PTPN13: variants seen among roughly 807,000 people sequenced by gnomAD.
The protein encoded by PTPN13 is tyrosine-protein phosphatase non-receptor type 13.
In PTPN13, 191 loss-of-function variants were observed where a neutral mutation model predicts 284.0. That is an observed-to-expected ratio of 0.67 (90% CI 0.60 to 0.76). PTPN13 has a LOEUF of 0.76. Among genes scored for constraint, PTPN13 ranks in the 30% least tolerant of loss-of-function variants. The pLI, the probability that PTPN13 is intolerant of heterozygous loss-of-function variation, is 0.00. For synonymous variants in PTPN13, 986 were observed against 1,022.3 expected, an observed-to-expected ratio of 0.96 and a Z score of 0.68; for missense variants, 2,797 against 2,939.9, an observed-to-expected ratio of 0.95 and a Z score of 1.12.
At position 86,775,540 on chromosome 4, in the gene PTPN13, C is replaced by T; in HGVS notation, c.5779C>T (p.Leu1927=). ...SVAAIEGNLQ[L]LDVIHYVNGV... is the part of the protein sequence containing the mutation. ...CGCAGCCATTGAGGGTAATCTCCAGCTATTAGATGTCATCCATTATGTGAA... is the reference window on the plus strand; with the variant it reads ...CGCAGCCATTGAGGGTAATCTCCAGTTATTAGATGTCATCCATTATGTGAA... The change falls in exon 35 of 48, where the codon CTA becomes TTA. Residue 1927 remains leucine (L), a synonymous_variant. Coordinates refer to ENST00000411767, the MANE Select transcript of PTPN13 (RefSeq NM_080683.3). 1 of 1,613,320 alleles carries T rather than the reference C, an allele frequency of 6.2e-7. No individual in the cohort carries two copies. Among genetic ancestry groups the T allele is most frequent in the East Asian group, 2.2e-5 (1 of 44,856 alleles).
chr4:86,713,027 T>A (rs1038560483), intron 7 of PTPN13, among the ~76,000 whole-genome samples: 1 of 152,122 alleles, frequency 6.6e-6, no homozygotes, highest in Non-Finnish European at 1.5e-5. Context: ...CAAAAATAGC[T>A]GTGAAACAGT....
chr4:86,795,975 A>G (rs1219060168), intron 40 of PTPN13, among the ~76,000 whole-genome samples: 1 of 150,416 alleles, frequency 6.6e-6, no homozygotes, highest in Non-Finnish European at 1.5e-5. Flanking sequence ...CCAACAAGGC[A>G]CATGTCTACC....
rs764984781 is a variant in PTPN13 at position 86,807,553 on chromosome 4, T to C, written c.6746-7T>C. On this transcript the variant is annotated splice_region_variant and splice_polypyrimidine_tract_variant and intron_variant, in intron 44 of 47. Transcript: ENST00000411767. ...GATGGCTCTGTTTTGTGGTGGAAAA[T>C]TCACAGATGATGCTACAAGAGTGCC... 13 of 1,590,490 alleles carry C rather than the reference T, an allele frequency of 8.2e-6. No individual in the cohort carries two copies. Among genetic ancestry groups the C allele is most frequent in the Admixed American group, 5.2e-5 (3 of 57,874 alleles).
chr4:86,666,387 G>GCTCTCTCTTCTCTCTCTT (rs549822813), intron 2 of PTPN13, among the ~76,000 whole-genome samples: 3 of 152,048 alleles, frequency 2.0e-5, no homozygotes, highest in African/African-American at 7.2e-5. Flanking sequence ...AGAAAGAACA[G>GCTCTCTCTTCTCTCTCTT]CTCTCTCTTC....
Position 86,701,754 on chromosome 4 carries a change from A to G in PTPN13, c.1148A>G (p.Glu383Gly). ...TCAAGTGCTTTGGACCGAATCCGAGAGAGACAAAAGAAACTTCAGGTTCTG... is the reference window on the plus strand; with the variant it reads ...TCAAGTGCTTTGGACCGAATCCGAGGGAGACAAAAGAAACTTCAGGTTCTG... ...AISSALDRIR[E>G]RQKKLQVLRE... The change falls in exon 7 of 48, where the codon GAG becomes GGG. Residue 383 changes from glutamate (E) to glycine (G), a missense_variant. Physicochemically the swap from Glu to Gly is moderately conservative, Grantham distance 98. Transcript: ENST00000411767. 6.2e-7 allele frequency: 1 copy of G among 1,613,392 alleles called. No individual in the cohort carries two copies.
In PTPN13 at chr4:86,635,758, G is replaced by A. The variant is rs146101794; in HGVS notation, c.115+387G>A. On this transcript the variant is annotated intron_variant, in intron 2 of 47. Transcript: ENST00000411767. The stretch of plus-strand genomic sequence containing the variant: ...GTTGGGGTGTCACTTGAGGTCAGGC[G>A]GTTGAGACCAGCCTGGTGAACATGA... Among the ~76,000 whole-genome samples the A allele has an allele frequency of 5.6e-3, 846 of 152,170 alleles. 7 individuals carry two copies. Among genetic ancestry groups the A allele is most frequent in the African/African-American group, 0.018 (750 of 41,526 alleles).
intron 47 of PTPN13, among the ~76,000 whole-genome samples, chr4:86,812,264 C>A (rs1745300112): frequency 2.1e-5 from 3 of 146,040 alleles, no homozygotes; most frequent in Non-Finnish European, 4.5e-5. Context: ...GAGCCGAGAT[C>A]CCGCCACTGC....
chr4:86,758,886 G>C (rs1457335432), intron 22 of PTPN13, 56 bp from the exon 23 acceptor site: 22 of 1,589,268 alleles, frequency 1.4e-5, no homozygotes, highest in Non-Finnish European at 1.7e-6. Flanking sequence ...ATATTTCTAA[G>C]ATTCAGAATA....
At chr4:86,618,703 T>A (rs1442552903) in intron 1 of PTPN13, among the ~76,000 whole-genome samples, 1 of 152,162 alleles carries the variant, frequency 6.6e-6, no homozygotes, top group Non-Finnish European at 1.5e-5. Context: ...TGAATGGGAG[T>A]TCACTTATGA....
rs550073795 is a variant in PTPN13, at chr4:86,716,923, G to T, written c.1292-101G>T. On this transcript the variant is annotated intron_variant, in intron 8 of 47. Transcript: ENST00000411767. ...GTCATTAATTTTGTTCTGTGGATTAGATTTGTACAACTCTATGTCTGCTAA... is the reference window on the plus strand; with the variant it reads ...GTCATTAATTTTGTTCTGTGGATTATATTTGTACAACTCTATGTCTGCTAA... The T allele has an allele frequency of 2.3e-4, 182 of 787,348 alleles. 4 individuals are homozygous for T. In the South Asian group the frequency reaches 3.1e-3, roughly 13 times the overall value. 48.8% of individuals were successfully genotyped at this position (787,348 alleles called of 1,614,324 possible).
At position 86,751,025 on chromosome 4, in the gene PTPN13, A is replaced by C; in HGVS notation, c.3069-2A>C. The stretch of plus-strand genomic sequence containing the variant: ...CCTCCTACCTTCCTTTTCCCTCTTC[A>C]GTTCAAAGTCTGTTGCGAGTTTAAA... On this transcript the variant is annotated splice_acceptor_variant, in intron 18 of 47. Coordinates refer to ENST00000411767, the MANE Select transcript of PTPN13 (RefSeq NM_080683.3). LOFTEE classifies it high-confidence loss of function. 2 of 1,600,132 alleles carry C rather than the reference A, an allele frequency of 1.2e-6. No individual in the cohort carries two copies. Among genetic ancestry groups the C allele is most frequent in the South Asian group, 1.1e-5 (1 of 89,848 alleles).
intron 2 of PTPN13, among the ~76,000 whole-genome samples, chr4:86,648,625 T>A (rs1294698096): frequency 1.3e-5 from 2 of 152,188 alleles, no homozygotes; most frequent in South Asian, 2.1e-4. Context: ...TACCCATTCA[T>A]CTGTTGGTAG....
intron 23 of PTPN13, 110 bp downstream of exon 23, chr4:86,759,183 T>A: frequency 1.8e-6 from 2 of 1,131,098 alleles, no homozygotes; most frequent in Non-Finnish European, 2.5e-6. Context: ...TGATGCAACT[T>A]AAGTAAACTG....
At position 86,598,570 on chromosome 4, in the gene PTPN13, A is replaced by G. The variant is rs80296492; in HGVS notation, c.-6+3781A>G. Among the ~76,000 whole-genome samples the G allele has an allele frequency of 9.6e-4, 147 of 152,358 alleles. 1 individual carries two copies. The highest frequency in any genetic ancestry group is 1.7e-3 in the East Asian group (9 of 5,188). On this transcript the variant is annotated intron_variant, in intron 1 of 47. Transcript: ENST00000411767. The stretch of plus-strand genomic sequence containing the variant: ...AAAAATTAAATAATCACAAAAACCT[A>G]TAACTACTCAAATCATTCTTGAATG...
At position 86,745,636 on chromosome 4, in the gene PTPN13, C is replaced by T. The variant is rs144376514; in HGVS notation, c.2650+508C>T. On this transcript the variant is annotated intron_variant, in intron 17 of 47. Transcript: ENST00000411767. ...CTAAAAATACAAAAAATCAGCCAGGCGTGTTGCCGGGCACCTGTAATCCCA... is the reference window on the plus strand; with the variant it reads ...CTAAAAATACAAAAAATCAGCCAGGTGTGTTGCCGGGCACCTGTAATCCCA... 1.7e-3 allele frequency among the ~76,000 whole-genome samples: 265 copies of T among 152,056 alleles called. 3 individuals are homozygous for T. Among genetic ancestry groups the T allele is most frequent in the African/African-American group, 6.1e-3 (252 of 41,516 alleles).
intron 40 of PTPN13, among the ~76,000 whole-genome samples, chr4:86,793,520 G>C (rs1057285763): frequency 6.6e-6 from 1 of 152,194 alleles, no homozygotes; most frequent in Admixed American, 6.5e-5. Flanking sequence ...GATATTTACA[G>C]AACTCTCCAC....
Position 86,735,713 on chromosome 4 carries a change from T to A in PTPN13, c.2271T>A (p.Ala757=). The change falls in exon 15 of 48, where the codon GCT becomes GCA. Residue 757 remains alanine (A), a synonymous_variant. Transcript: ENST00000411767. ...AATTGCATAATACCTATGTGGGAGC[T>A]TCTGAAAAAGAGACAGAGTTAGAAT... ...LPKLHNTYVG[A]SEKETELEFL... is the part of the protein sequence containing the mutation. 6.2e-7 allele frequency: 1 copy of A among 1,610,980 alleles called. No individual in the cohort carries two copies. Among genetic ancestry groups the A allele is most frequent in the Non-Finnish European group, 8.5e-7 (1 of 1,179,152 alleles).
chr4:86,768,536 G>C (rs1578621512), intron 28 of PTPN13, among the ~76,000 whole-genome samples: 1 of 152,158 alleles, frequency 6.6e-6, no homozygotes, highest in East Asian at 1.9e-4. Context: ...CTTTATAAAT[G>C]ATGGTGATGG....
intron 7 of PTPN13, among the ~76,000 whole-genome samples, chr4:86,704,296 A>AT (rs546996243): frequency 1.3e-4 from 19 of 150,422 alleles, no homozygotes; most frequent in Admixed American, 2.7e-4. Flanking sequence ...AAAGCTTGAG[A>AT]TTTTTTTTTT....
Sources: gnomAD v4.1 joint callset for allele counts (sites outside exome capture counted in the v4.1 genomes callset) on GRCh38, gnomAD v4.1.1 for gene constraint, MANE v1.5 for transcripts, NCBI Gene and HGNC (gene_info 2026-07-23, HGNC 2026-07-21) for gene names.